Variants in SPTBN2 observed in about 807,000 individuals in gnomAD.
The protein encoded by SPTBN2 is spectrin beta, non-erythrocytic 2.
Under a neutral mutation model 284.2 loss-of-function variants are expected in SPTBN2, and 107 were observed. The ratio of observed to expected loss-of-function variants is 0.38; its 90% CI spans 0.32 to 0.44. The LOEUF (loss-of-function observed/expected upper bound fraction) is 0.44. SPTBN2 is among the 20% of genes least tolerant of loss of function. SPTBN2 has a pLI of 1.00. For missense variants in SPTBN2, 2,569 were observed against 3,287.1 expected (o/e 0.78, Z 5.34); for synonymous variants, 1,289 against 1,354.8 (o/e 0.95, Z 1.07).
In SPTBN2 at chr11:66,699,095, C is replaced by T; in HGVS notation, c.3777-13G>A. The T allele has an allele frequency of 6.2e-7, 1 of 1,614,174 alleles. No homozygotes were observed. Among genetic ancestry groups the T allele is most frequent in the Non-Finnish European group, 8.5e-7 (1 of 1,180,020 alleles). On this transcript the variant is annotated splice_polypyrimidine_tract_variant and intron_variant, in intron 18 of 37. Coordinates refer to ENST00000533211, the MANE Select transcript of SPTBN2 (RefSeq NM_006946.4). ...ATTCTTCTTGTGCCTGGAACGACAC[C>T]CTCTTGTGAAACTCTGGAATTTGCT... is the stretch of plus-strand genomic sequence containing the variant.
intron 21 of SPTBN2, among the ~76,000 whole-genome samples, chr11:66,695,395 A>G (rs1489766481): frequency 1.3e-5 from 2 of 152,190 alleles, no homozygotes; most frequent in African/African-American, 4.8e-5. Context: ...AGCTGGGACT[A>G]CAGGCACACA....
chr11:66,739,073 C>T (rs909894691), intron 1 of SPTBN2, among the ~76,000 whole-genome samples: 1 of 152,190 alleles, frequency 6.6e-6, no homozygotes, highest in African/African-American at 2.4e-5. Flanking sequence ...TCCCCAAATG[C>T]TGGGATTACA....
rs575028807 is a variant in SPTBN2, at chr11:66,716,539, C to T, written c.158-558G>A. Reference sequence around the variant, plus strand: ...GGCTTTGAGAAGAAAGGATGAAGACCTTTCATCCTCAGAAACCATGGGACA... The same window carrying T: ...GGCTTTGAGAAGAAAGGATGAAGACTTTTCATCCTCAGAAACCATGGGACA... On this transcript the variant is annotated intron_variant, in intron 3 of 37. Coordinates refer to ENST00000533211, the MANE Select transcript of SPTBN2 (RefSeq NM_006946.4). Among the ~76,000 whole-genome samples, 10 of 152,048 alleles carry T rather than the reference C, an allele frequency of 6.6e-5. 1 individual carries two copies. The South Asian group carries it at 2.1e-3, about 32-fold the overall frequency.
chr11:66,716,180 T>C (rs558915945), intron 3 of SPTBN2, among the ~76,000 whole-genome samples, 199 bp from the exon 4 acceptor site: 4 of 152,108 alleles, frequency 2.6e-5, no homozygotes, highest in Non-Finnish European at 4.4e-5. Flanking sequence ...AGAAGAAAGA[T>C]GAAAGACAGA....
In SPTBN2 at chr11:66,684,301, G is replaced by A. The variant is rs1939969599; in HGVS notation, c.*1570C>T. Reference sequence around the variant, plus strand: ...CTCCGATTGCCAAACCAGAGACAAAGGAGAAGCCACCCGCTCCTTTCTAAT... The same window carrying A: ...CTCCGATTGCCAAACCAGAGACAAAAGAGAAGCCACCCGCTCCTTTCTAAT... On this transcript the variant is annotated 3_prime_UTR_variant, in exon 38 of 38. Coordinates refer to ENST00000533211, the MANE Select transcript of SPTBN2 (RefSeq NM_006946.4). Among the ~76,000 whole-genome samples, 1 of 152,168 alleles carries A rather than the reference G, an allele frequency of 6.6e-6. No individual in the cohort carries two copies. Among genetic ancestry groups the A allele is most frequent in the South Asian group, 2.1e-4 (1 of 4,834 alleles).
intron 8 of SPTBN2, among the ~76,000 whole-genome samples, chr11:66,711,651 G>A (rs894076912): frequency 6.6e-6 from 1 of 152,170 alleles, no homozygotes; most frequent in African/African-American, 2.4e-5. Flanking sequence ...TGAAATCTGT[G>A]GGTTCTTTTA....
Position 66,689,077 on chromosome 11 carries a change from G to A in SPTBN2, c.6034+19C>T, listed in dbSNP as rs1212823668. ...GCCCCCCACTCCCCACAGGGCCTGG[G>A]GCCCCCTTGGCAGCTCACCCAGCTG... On this transcript the variant is annotated intron_variant, in intron 30 of 37. Coordinates refer to ENST00000533211, the MANE Select transcript of SPTBN2 (RefSeq NM_006946.4). 6.3e-7 allele frequency: 1 copy of A among 1,597,932 alleles called. No individual in the cohort carries two copies. Among genetic ancestry groups the A allele is most frequent in the Admixed American group, 1.7e-5 (1 of 58,114 alleles).
rs756121762 is a variant in SPTBN2, at chr11:66,705,808, C to T, written c.1683G>A (p.Arg561=). The T allele has an allele frequency of 1.2e-6, 2 of 1,612,452 alleles. No individual in the cohort carries two copies. The highest frequency in any genetic ancestry group is 1.1e-5 in the South Asian group (1 of 90,978). ...GCAGGTCCTCCACTCCTGCTAGGTGCCTGCCCAGGTCCTGAGACTGCAGCC... is the reference window on the plus strand; with the variant it reads ...GCAGGTCCTCCACTCCTGCTAGGTGTCTGCCCAGGTCCTGAGACTGCAGCC... The part of the protein sequence containing the change: ...KGRLQSQDLG[R]HLAGVEDLLQ... Residue 561 remains arginine, a synonymous_variant, in exon 14 of 38, where the codon AGG becomes AGA. Transcript: ENST00000533211.
In SPTBN2 at chr11:66,707,591, C is replaced by G; in HGVS notation, c.1578G>C (p.Arg526=). The G allele has an allele frequency of 6.2e-7, 1 of 1,611,814 alleles. No individual in the cohort carries two copies. Among genetic ancestry groups the G allele is most frequent in the Non-Finnish European group, 8.5e-7 (1 of 1,179,946 alleles). The part of the protein sequence containing the change: ...LRQMVAARRE[R]LLLNLELQKV... The stretch of plus-strand genomic sequence containing the variant: ...TCTGCAGCTCCAGGTTGAGGAGGAG[C>G]CGCTCCCGCCGGGCGGCCACCATCT... The change falls in exon 13 of 38, where the codon CGG becomes CGC. Residue 526 remains arginine (R), a synonymous_variant. Coordinates refer to ENST00000533211, the MANE Select transcript of SPTBN2 (RefSeq NM_006946.4). The surrounding 1 kb of genome is among the most constrained non-coding windows in gnomAD (Gnocchi z 4.9).
rs1940253673 is a variant in SPTBN2, at chr11:66,687,928, C to T, written c.6451-10G>A. The T allele has an allele frequency of 6.2e-7, 1 of 1,614,174 alleles. No homozygotes were observed. Among genetic ancestry groups the T allele is most frequent in the Non-Finnish European group, 8.5e-7 (1 of 1,180,034 alleles). ...GTTGTCCCAGCAGGGGCTGCAAGGA[C>T]AAGAATCTGTAAAAGGATGTGCGGG... On this transcript the variant is annotated splice_polypyrimidine_tract_variant and intron_variant, in intron 33 of 37. Coordinates refer to ENST00000533211, the MANE Select transcript of SPTBN2 (RefSeq NM_006946.4). This position sits in a 1 kb window ranked among gnomAD's most constrained non-coding sequence, Gnocchi z 5.2.
intron 18 of SPTBN2, 45 bp downstream of exon 18, chr11:66,699,361 G>C: frequency 6.2e-7 from 1 of 1,604,994 alleles, no homozygotes; most frequent in Non-Finnish European, 8.5e-7. Flanking sequence ...CTGTTTCTCC[G>C]ATTCCCCCCT....
intron 22 of SPTBN2, 62 bp downstream of exon 22, chr11:66,694,077 G>A: frequency 6.3e-7 from 1 of 1,577,726 alleles, no homozygotes; most frequent in East Asian, 2.2e-5. Context: ...TGGCATCCAG[G>A]AGGGAGGCTG....
chr11:66,697,158 G>T (rs763927732), intron 20 of SPTBN2, among the ~76,000 whole-genome samples: 6 of 152,154 alleles, frequency 3.9e-5, no homozygotes, highest in Non-Finnish European at 7.3e-5. Context: ...CACCCCCGCA[G>T]AATGCCCCAT....
rs1302931119 is a variant in SPTBN2 at position 66,698,634 on chromosome 11, C to T, written c.4014+5G>A. 1.2e-6 allele frequency: 2 copies of T among 1,614,064 alleles called. No homozygotes were observed. Among genetic ancestry groups the T allele is most frequent in the South Asian group, 1.1e-5 (1 of 91,086 alleles). ...CCCAGAGGCAGCCCCCACAGCACTG[C>T]TCACCTTGTCCACCTTGTCCAGCCA... On this transcript the variant is annotated splice_donor_5th_base_variant and intron_variant, in intron 20 of 37. Transcript: ENST00000533211.
Position 66,687,876 on chromosome 11 carries a change from C to T in SPTBN2, c.6493G>A (p.Glu2165Lys), listed in dbSNP as rs372101504. 1.7e-5 allele frequency: 27 copies of T among 1,614,154 alleles called. No individual in the cohort carries two copies. The highest frequency in any genetic ancestry group is 1.6e-4 in the Middle Eastern group (1 of 6,062). ...CTTGCAGGGGAACTCACCGGCCCTT[C>T]GGGGAAGCTGCTGTGCTCAAGTCTC... ...QQRLEHSSFP[E>K]GPGPGSGDEA... The change falls in exon 34 of 38, where the codon GAA becomes AAA. Residue 2165 changes from glutamate (E) to lysine (K), a missense_variant. Coordinates refer to ENST00000533211, the MANE Select transcript of SPTBN2 (RefSeq NM_006946.4). This position sits in a 1 kb window ranked among gnomAD's most constrained non-coding sequence, Gnocchi z 5.2.
rs1262587504 is a variant in SPTBN2 at position 66,698,792 on chromosome 11, C to G, written c.3868-7G>C. On this transcript the variant is annotated splice_region_variant and splice_polypyrimidine_tract_variant and intron_variant, in intron 19 of 37. Coordinates refer to ENST00000533211, the MANE Select transcript of SPTBN2 (RefSeq NM_006946.4). Reference sequence around the variant, plus strand: ...CGTCGATCCAGAGCTTCAGCTGGACCAAACATAAAACAGGGACATTTCCAA... The same window carrying G: ...CGTCGATCCAGAGCTTCAGCTGGACGAAACATAAAACAGGGACATTTCCAA... The G allele has an allele frequency of 1.2e-6, 2 of 1,613,222 alleles. No individual in the cohort carries two copies. The highest frequency in any genetic ancestry group is 2.2e-5 in the South Asian group (2 of 91,078).
chr11:66,691,652 G>C lies in SPTBN2; in HGVS notation c.5197C>G (p.Arg1733Gly). 6.2e-7 allele frequency: 1 copy of C among 1,613,600 alleles called. No homozygotes were observed. Among genetic ancestry groups the C allele is most frequent in the Non-Finnish European group, 8.5e-7 (1 of 1,180,040 alleles). Reference protein sequence around the residue: ...GQDYEHVTMLRDKFREFSRDT... With the variant: ...GQDYEHVTMLGDKFREFSRDT... Reference sequence around the variant, plus strand: ...CGGGAGAACTCTCGGAATTTGTCTCGGAGCATCTGGTAGAGGAAGCAGATG... The same window carrying C: ...CGGGAGAACTCTCGGAATTTGTCTCCGAGCATCTGGTAGAGGAAGCAGATG... Residue 1733 changes from arginine (R) to glycine (G), a missense_variant, in exon 27 of 38, where the codon CGA becomes GGA. This residue lies in a region of SPTBN2 where 1,130 missense variants were observed against 1,317.3 expected (regional missense o/e 0.86). Transcript: ENST00000533211. This position sits in a 1 kb window ranked among gnomAD's most constrained non-coding sequence, Gnocchi z 8.0.
chr11:66,686,002 CCCGGGTGGTGCT>C lies in SPTBN2; in HGVS notation c.7030_7041del (p.Ser2344_Arg2347del). Reference sequence around the variant, plus strand: ...GGCATGGTCATGGCCCGGGTCATGCCCCGGGTGGTGCTGGGCACCACCGGCTCTTCAGGCTCT... The same window carrying C: ...GGCATGGTCATGGCCCGGGTCATGCCGGGCACCACCGGCTCTTCAGGCTCT... On this transcript the variant is annotated inframe_deletion, in exon 38 of 38. Coordinates refer to ENST00000533211, the MANE Select transcript of SPTBN2 (RefSeq NM_006946.4). The C allele has an allele frequency of 6.2e-7, 1 of 1,613,726 alleles. No individual in the cohort carries two copies. The highest frequency in any genetic ancestry group is 8.5e-7 in the Non-Finnish European group (1 of 1,180,000).
At chr11:66,709,056 C>G in intron 10 of SPTBN2, 37 bp from the exon 11 acceptor site, 2 of 1,555,022 alleles carry the variant, frequency 1.3e-6, no homozygotes, top group Non-Finnish European at 1.8e-6. Context: ...AGAATTAAAG[C>G]CCACGAGGGT....
Sources: allele counts gnomAD v4.1 joint callset (sites outside exome capture counted in the v4.1 genomes callset), GRCh38; gene constraint gnomAD v4.1.1; regional missense constraint gnomAD v4.1.1; non-coding constraint Gnocchi (gnomAD v3.1); transcripts MANE v1.5; gene names NCBI Gene and HGNC (gene_info 2026-07-23, HGNC 2026-07-21).